PTK2: variants seen among roughly 807,000 people sequenced by gnomAD.
PTK2 encodes the protein protein tyrosine kinase 2.
A neutral mutation model predicts 150.1 loss-of-function variants in PTK2; 45 were observed. The ratio of observed to expected loss-of-function variants is 0.30; its 90% confidence interval spans 0.24 to 0.38. The LOEUF (loss-of-function observed/expected upper bound fraction) is 0.38, where lower values mean the gene tolerates loss of function less well. PTK2 is among the 10% of genes least tolerant of loss of function. The pLI is 1.00. For missense variants in PTK2, 919 were observed against 1,307.3 expected (o/e 0.70, Z 4.58); for synonymous variants, 432 against 449.2 (o/e 0.96, Z 0.48).
intron 1 of PTK2, among the ~76,000 whole-genome samples, chr8:140,943,322 T>C (rs1377768444): frequency 1.3e-5 from 2 of 152,262 alleles, no homozygotes; most frequent in Non-Finnish European, 2.9e-5. Flanking sequence ...CAAAATGTTA[T>C]ATAAATGAAA....
At chr8:140,672,168 T>G (rs2095622006) in intron 29 of PTK2, 1 of 454,000 alleles carries the variant, frequency 2.2e-6, no homozygotes, top group Admixed American at 2.4e-5. Flanking sequence ...CTTATGAAAA[T>G]AAATAATTCA....
At chr8:140,718,959 C>T (rs755186438) in intron 22 of PTK2, among the ~76,000 whole-genome samples, 1 of 152,084 alleles carries the variant, frequency 6.6e-6, no homozygotes, top group Non-Finnish European at 1.5e-5. Context: ...GGGCAGATCA[C>T]GAGGTCAGGA....
chr8:140,809,799 G>A (rs1047843062), intron 10 of PTK2, among the ~76,000 whole-genome samples: 4 of 152,150 alleles, frequency 2.6e-5, no homozygotes, highest in Middle Eastern at 3.4e-3. Context: ...GGGTGAGACC[G>A]TGTCTCAAAA....
chr8:140,980,601 G>A (rs1032356450), intron 1 of PTK2, among the ~76,000 whole-genome samples: 2 of 152,010 alleles, frequency 1.3e-5, no homozygotes, highest in Admixed American at 6.6e-5. Flanking sequence ...CAGCCTGGGC[G>A]ACAGAGCGAG....
chr8:140,961,539 G>A (rs2100183183), intron 1 of PTK2, among the ~76,000 whole-genome samples: 2 of 152,016 alleles, frequency 1.3e-5, no homozygotes, highest in South Asian at 2.1e-4. Flanking sequence ...GCGGGCACCT[G>A]TAGTCCCAGC....
intron 14 of PTK2, among the ~76,000 whole-genome samples, chr8:140,777,348 G>A (rs1257497871): frequency 1.3e-5 from 2 of 152,186 alleles, no homozygotes; most frequent in Non-Finnish European, 2.9e-5. Flanking sequence ...GCAAGAGCAA[G>A]GGGTGGGGTG....
intron 2 of PTK2, among the ~76,000 whole-genome samples, chr8:140,898,666 A>G (rs2154607637): frequency 6.6e-6 from 1 of 152,328 alleles, no homozygotes; most frequent in East Asian, 1.9e-4. Context: ...AAAAAAGGGA[A>G]AAAAATGCAA....
intron 7 of PTK2, among the ~76,000 whole-genome samples, chr8:140,843,729 T>A (rs760642715): frequency 6.6e-6 from 1 of 151,852 alleles, no homozygotes; most frequent in Non-Finnish European, 1.5e-5. Flanking sequence ...TACAATAGTT[T>A]TAGATTTACA....
At chr8:140,957,170 G>A (rs780810969) in intron 1 of PTK2, among the ~76,000 whole-genome samples, 8 of 152,014 alleles carry the variant, frequency 5.3e-5, no homozygotes, top group East Asian at 1.9e-4. Context: ...GCAGTGCCTC[G>A]CTTCTATCAT....
chr8:140,691,727 G>C (rs1187758099), intron 26 of PTK2, among the ~76,000 whole-genome samples: 1 of 152,200 alleles, frequency 6.6e-6, no homozygotes, highest in Non-Finnish European at 1.5e-5. Flanking sequence ...TTCCTCACCT[G>C]TAAAATAGGC....
intron 1 of PTK2, among the ~76,000 whole-genome samples, chr8:140,942,425 C>A (rs911888917): frequency 1.3e-5 from 2 of 152,090 alleles, no homozygotes; most frequent in African/African-American, 4.8e-5. Flanking sequence ...TTATAATATA[C>A]AATCTCATTA....
At chr8:140,813,462 C>T (rs188060465) in intron 10 of PTK2, among the ~76,000 whole-genome samples, 52 of 149,736 alleles carry the variant, frequency 3.5e-4, no homozygotes, top group Non-Finnish European at 2.2e-4. Flanking sequence ...GAGCACAGCA[C>T]GGCCAAGTTA....
chr8:140,860,093 AAAC>A (rs2100135176), intron 5 of PTK2, among the ~76,000 whole-genome samples: 1 of 152,224 alleles, frequency 6.6e-6, no homozygotes, highest in Non-Finnish European at 1.5e-5. Context: ...GGCCTGTTTT[AAAC>A]AACAGCATTT....
At chr8:140,779,783 T>C (rs1224055697) in intron 14 of PTK2, among the ~76,000 whole-genome samples, 3 of 152,168 alleles carry the variant, frequency 2.0e-5, no homozygotes, top group Non-Finnish European at 4.4e-5. Flanking sequence ...GCATTTTCCT[T>C]TTTATTTCTA....
rs187955718 is a variant in PTK2, at chr8:140,684,454, A to G, written c.2562+2178T>C. On this transcript the variant is annotated intron_variant, in intron 27 of 31. Coordinates refer to ENST00000522684, the Ensembl canonical transcript of PTK2. The stretch of plus-strand genomic sequence containing the variant: ...TGGCCCAGTTCCTAACAGACTATGG[A>G]CCAATACCAGTCTGCGGCCCAGGAA... Among the ~76,000 whole-genome samples, 569 of 152,382 alleles carry G rather than the reference A, an allele frequency of 3.7e-3. 1 individual carries two copies. The highest frequency in any genetic ancestry group is 6.5e-3 in the Admixed American group (99 of 15,312).
chr8:140,798,825 C>T (rs1157007530), intron 12 of PTK2, among the ~76,000 whole-genome samples: 1 of 152,034 alleles, frequency 6.6e-6, no homozygotes, highest in Non-Finnish European at 1.5e-5. Flanking sequence ...GCATATACTC[C>T]TGTTTAAAGT....
At chr8:140,949,910 G>C in intron 1 of PTK2, among the ~76,000 whole-genome samples, 1 of 152,120 alleles carries the variant, frequency 6.6e-6, no homozygotes, top group East Asian at 1.9e-4. Context: ...GCTTTTTCCG[G>C]GCCTGCCCAT....
At chr8:140,848,646 C>T (rs537336432) in intron 5 of PTK2, among the ~76,000 whole-genome samples, 13 of 151,642 alleles carry the variant, frequency 8.6e-5, no homozygotes, top group African/African-American at 3.2e-4. Context: ...TAGAACTATT[C>T]GTTTAACTTC....
intron 1 of PTK2, among the ~76,000 whole-genome samples, chr8:140,962,080 T>TA (rs1161444627): frequency 3.3e-5 from 5 of 151,292 alleles, no homozygotes; most frequent in Admixed American, 2.0e-4. Flanking sequence ...CCGTCTCTAC[T>TA]AAAAAAAATA....
Sources: gnomAD v4.1 joint callset for allele counts (sites outside exome capture counted in the v4.1 genomes callset) on GRCh38, gnomAD v4.1.1 for gene constraint, MANE v1.5 for transcripts, NCBI Gene and HGNC (gene_info 2026-07-23, HGNC 2026-07-21) for gene names.